Variants in CEP112 observed in about 807,000 individuals in gnomAD.
The protein encoded by CEP112 is centrosomal protein of 112 kDa.
CEP112 carries 127 observed loss-of-function variants against 153.0 expected under a neutral mutation model. That is an observed-to-expected ratio of 0.83 (90% confidence interval 0.72 to 0.96). The LOEUF (loss-of-function observed/expected upper bound fraction) is 0.96, where lower values mean the gene tolerates loss of function less well. Among genes scored for constraint, CEP112 ranks in the 40% least tolerant of loss-of-function variants. The probability of loss-of-function intolerance (pLI) is 0.00; values close to 1 mark genes in which losing one functional copy is unlikely to be tolerated. For synonymous variants in CEP112, 358 were observed against 374.4 expected (o/e 0.96, Z 0.51); for missense variants, 1,089 against 1,101.2 (o/e 0.99, Z 0.16).
At position 65,847,612 on chromosome 17, in the gene CEP112, C is replaced by T. The variant is rs141303430; in HGVS notation, c.2394+4192G>A. 5.9e-5 allele frequency among the ~76,000 whole-genome samples: 9 copies of T among 152,246 alleles called. No individual in the cohort carries two copies. The East Asian group carries it at 1.7e-3, about 29-fold the overall frequency. ...CATGTCATACCCGGAGGGCACCTGC[C>T]CCGAGCTGGGTTTTCTAGGCACTGG... On this transcript the variant is annotated intron_variant, in intron 21 of 26. Transcript: ENST00000535342.
intron 6 of CEP112, among the ~76,000 whole-genome samples, chr17:66,099,553 C>T (rs2068482708): frequency 1.3e-5 from 2 of 148,380 alleles, no homozygotes; most frequent in East Asian, 2.0e-4. Context: ...AGGCTGACAA[C>T]CACAAAAGGC....
At chr17:65,760,747 A>G (rs1373238287) in intron 21 of CEP112, among the ~76,000 whole-genome samples, 2 of 152,076 alleles carry the variant, frequency 1.3e-5, no homozygotes, top group African/African-American at 4.8e-5. Context: ...GTATCAGGGT[A>G]ATGCTGACCT....
At chr17:65,710,979 C>G (rs2049153217) in intron 23 of CEP112, among the ~76,000 whole-genome samples, 1 of 152,180 alleles carries the variant, frequency 6.6e-6, no homozygotes, top group Non-Finnish European at 1.5e-5. Context: ...CATGTAATGA[C>G]AGTCAACTGC....
intron 21 of CEP112, chr17:65,797,087 C>T (rs1160839250): frequency 6.6e-6 from 1 of 152,224 alleles, no homozygotes; most frequent in African/African-American, 2.4e-5. Flanking sequence ...ACAACAACAA[C>T]AAAACCCATC....
intron 4 of CEP112, among the ~76,000 whole-genome samples, chr17:66,161,704 G>T (rs1171429659): frequency 6.6e-6 from 1 of 151,990 alleles, no homozygotes; most frequent in Non-Finnish European, 1.5e-5. Context: ...CTAGGGGAGG[G>T]ATAGCACTAG....
At chr17:66,065,890 A>G (rs2067098649) in intron 10 of CEP112, among the ~76,000 whole-genome samples, 1 of 152,046 alleles carries the variant, frequency 6.6e-6, no homozygotes, top group Admixed American at 6.6e-5. Context: ...CGGCCTCCCA[A>G]AGTGCTGGGA....
intron 17 of CEP112, among the ~76,000 whole-genome samples, chr17:65,981,262 A>G (rs1245585375): frequency 6.6e-6 from 1 of 152,186 alleles, no homozygotes; most frequent in East Asian, 1.9e-4. Context: ...ATAACTTGGG[A>G]ACACCATTAG....
At chr17:65,918,466 T>G (rs955010413) in intron 19 of CEP112, among the ~76,000 whole-genome samples, 3 of 152,234 alleles carry the variant, frequency 2.0e-5, no homozygotes, top group African/African-American at 7.2e-5. Flanking sequence ...TTGTTTTTTT[T>G]GTAATCATTG....
chr17:65,736,588 A>G (rs1242271037), intron 23 of CEP112, among the ~76,000 whole-genome samples: 2 of 152,320 alleles, frequency 1.3e-5, no homozygotes, highest in East Asian at 3.9e-4. Context: ...TTTCAGTGCA[A>G]AAAAGAGGAG....
intron 21 of CEP112, among the ~76,000 whole-genome samples, chr17:65,798,245 TA>T (rs377179113): frequency 6.7e-6 from 1 of 150,292 alleles, no homozygotes; most frequent in Non-Finnish European, 1.5e-5. Flanking sequence ...TATTTAGTCA[TA>T]AAAAAAACAC....
At chr17:65,691,336 C>T (rs1003415538) in intron 23 of CEP112, among the ~76,000 whole-genome samples, 19 of 152,110 alleles carry the variant, frequency 1.2e-4, no homozygotes, top group African/African-American at 4.6e-4. Flanking sequence ...GGTTCTTAAC[C>T]TTTTGGGAGG....
intron 24 of CEP112, among the ~76,000 whole-genome samples, chr17:65,669,765 T>C (rs2046882653): frequency 6.6e-6 from 1 of 152,056 alleles, no homozygotes; most frequent in South Asian, 2.1e-4. Context: ...TATCCAGGCA[T>C]GGTGGAGGGC....
At chr17:66,016,780 A>C (rs1402082122) in intron 16 of CEP112, among the ~76,000 whole-genome samples, 1 of 152,128 alleles carries the variant, frequency 6.6e-6, no homozygotes, top group Non-Finnish European at 1.5e-5. Context: ...CTGCCACATA[A>C]AAGCACAGTT....
At chr17:65,794,533 A>G (rs576553920) in intron 21 of CEP112, among the ~76,000 whole-genome samples, 40 of 152,260 alleles carry the variant, frequency 2.6e-4, no homozygotes, top group Non-Finnish European at 3.5e-4. Flanking sequence ...CCAATTACCT[A>G]CAGGAAACTC....
intron 22 of CEP112, among the ~76,000 whole-genome samples, chr17:65,749,164 C>T (rs1192084865): frequency 6.6e-6 from 1 of 152,138 alleles, no homozygotes; most frequent in Non-Finnish European, 1.5e-5. Flanking sequence ...TACGACTCTT[C>T]ATTTGGACAA....
intron 8 of CEP112, among the ~76,000 whole-genome samples, chr17:66,086,380 C>CTTTTCTTTTTTT (rs2067931452): frequency 3.0e-5 from 2 of 67,024 alleles, no homozygotes; most frequent in African/African-American, 1.3e-4. Context: ...ATTTTCTTTT[C>CTTTTCTTTTTTT]TTTTTTTTTT....
intron 9 of CEP112, among the ~76,000 whole-genome samples, chr17:66,068,618 ATT>A (rs1248796839): frequency 1.3e-5 from 2 of 152,188 alleles, no homozygotes; most frequent in Non-Finnish European, 2.9e-5. Context: ...TTTTATTTAT[ATT>A]TTACTTGGCA....
At chr17:65,779,507 G>C (rs553022564) in intron 21 of CEP112, among the ~76,000 whole-genome samples, 2 of 152,254 alleles carry the variant, frequency 1.3e-5, no homozygotes, top group African/African-American at 4.8e-5. Context: ...TCACAGGAAA[G>C]GGTACTTTAA....
In CEP112 at chr17:65,641,041, C is replaced by A; in HGVS notation, c.2722G>T (p.Glu908Ter). Reference protein sequence around the residue: ...EQITYIRQEYETKLKGLMPAS... With the variant: ...EQITYIRQEY ...GGCATCAATCCTTTCAATTTTGTTT[C>A]ATATTCTTGTCGTATGTAAGTTATC... The change falls in exon 25 of 27, where the codon GAA becomes TAA. Residue 908 changes from glutamate (E) to a stop codon, truncating the protein, a stop_gained. Transcript: ENST00000535342. LOFTEE classifies it high-confidence loss of function. 6.2e-7 allele frequency: 1 copy of A among 1,606,798 alleles called. No homozygotes were observed. Among genetic ancestry groups the A allele is most frequent in the Non-Finnish European group, 8.5e-7 (1 of 1,173,678 alleles).
Sources: allele counts gnomAD v4.1 joint callset (sites outside exome capture counted in the v4.1 genomes callset), GRCh38; gene constraint gnomAD v4.1.1; transcripts MANE v1.5; gene names NCBI Gene and HGNC (gene_info 2026-07-23, HGNC 2026-07-21).